Variants in FAM184B observed in about 807,000 individuals in gnomAD.
FAM184B encodes the protein family with sequence similarity 184 member B.
FAM184B carries 111 observed loss-of-function variants against 135.9 expected under a neutral mutation model. That is an observed-to-expected ratio of 0.82 (90% CI 0.70 to 0.96). The LOEUF (loss-of-function observed/expected upper bound fraction) is 0.96. FAM184B is among the 40% of genes least tolerant of loss of function. The pLI is 0.00. For synonymous variants in FAM184B, 552 were observed against 524.8 expected, an observed-to-expected ratio of 1.05 and a Z score of -0.71; for missense variants, 1,375 against 1,323.9, an observed-to-expected ratio of 1.04 and a Z score of -0.60.
At chr4:17,675,376 ACTGGG>A (rs1716289914) in intron 7 of FAM184B, among the ~76,000 whole-genome samples, 1 of 152,154 alleles carries the variant, frequency 6.6e-6, no homozygotes, top group Non-Finnish European at 1.5e-5. Flanking sequence ...AAGTCTCAAC[ACTGGG>A]CTTGAAAAAA....
chr4:17,744,726 AAAAAAAG>A (rs952313725), intron 1 of FAM184B, among the ~76,000 whole-genome samples: 21 of 152,070 alleles, frequency 1.4e-4, no homozygotes, highest in Middle Eastern at 6.8e-3. Flanking sequence ...TCTCAAAAAA[AAAAAAAG>A]AAAAAAGAAA....
intron 14 of FAM184B, among the ~76,000 whole-genome samples, chr4:17,637,263 G>GT (rs1715170529): frequency 6.6e-6 from 1 of 152,164 alleles, no homozygotes; most frequent in Non-Finnish European, 1.5e-5. Context: ...TCCTGACCTC[G>GT]TGATCCGCCC....
At position 17,705,842 on chromosome 4, in the gene FAM184B, C is replaced by G. The variant is rs373266922; in HGVS notation, c.1080G>C (p.Glu360Asp). Residue 360 changes from glutamate to aspartate, a missense_variant, in exon 4 of 18, where the codon GAG (glutamate) becomes GAC (aspartate). Coordinates refer to ENST00000265018, the MANE Select transcript of FAM184B (RefSeq NM_015688.2). Reference sequence around the variant, plus strand: ...GAAGATTGCCGGCTTCCAAGTCATTCTCTTCCCGCAGGACTTTGTTCTCTG... The same window carrying G: ...GAAGATTGCCGGCTTCCAAGTCATTGTCTTCCCGCAGGACTTTGTTCTCTG... ...LVSENKVLRE[E>D]NDLEAGNLHP... 2 of 1,552,242 alleles carry G rather than the reference C, an allele frequency of 1.3e-6. No homozygotes were observed. The highest frequency in any genetic ancestry group is 1.4e-5 in the African/African-American group (1 of 73,190).
At chr4:17,734,316 C>A (rs1427117754) in intron 1 of FAM184B, among the ~76,000 whole-genome samples, 2 of 152,168 alleles carry the variant, frequency 1.3e-5, no homozygotes, top group East Asian at 3.9e-4. Context: ...GCAACAAAAG[C>A]CAAAATTGAC....
At chr4:17,658,733 T>C (rs766798746) in intron 9 of FAM184B, among the ~76,000 whole-genome samples, 171 bp from the exon 10 acceptor site, 4 of 152,218 alleles carry the variant, frequency 2.6e-5, no homozygotes, top group Non-Finnish European at 4.4e-5. Flanking sequence ...TGGCCAGTCC[T>C]TCCAGCTAGG....
intron 7 of FAM184B, among the ~76,000 whole-genome samples, chr4:17,674,273 T>C (rs982760450): frequency 2.6e-5 from 4 of 152,160 alleles, no homozygotes; most frequent in African/African-American, 4.8e-5. Context: ...AATATTGTGA[T>C]AAAGCAAAGA....
At chr4:17,765,319 A>C (rs1295342856) in intron 1 of FAM184B, among the ~76,000 whole-genome samples, 1 of 152,136 alleles carries the variant, frequency 6.6e-6, no homozygotes, top group Non-Finnish European at 1.5e-5. Flanking sequence ...ACCTGTAACA[A>C]AGGTGAATTC....
intron 5 of FAM184B, among the ~76,000 whole-genome samples, chr4:17,694,237 A>G (rs1716802758): frequency 6.6e-6 from 1 of 151,360 alleles, no homozygotes; most frequent in Non-Finnish European, 1.5e-5. Context: ...TAATTCTCAT[A>G]GAGGGGCCAG....
chr4:17,748,074 A>G (rs1336137496), intron 1 of FAM184B, among the ~76,000 whole-genome samples: 1 of 138,760 alleles, frequency 7.2e-6, no homozygotes, highest in Non-Finnish European at 1.5e-5. Flanking sequence ...ACTCCACTCC[A>G]GCCTGGATGA....
At chr4:17,728,031 A>G (rs1208680213) in intron 1 of FAM184B, among the ~76,000 whole-genome samples, 2 of 152,114 alleles carry the variant, frequency 1.3e-5, no homozygotes, top group Non-Finnish European at 2.9e-5. Flanking sequence ...TAATCCCAGC[A>G]CTTTCAAAGG....
chr4:17,653,102 G>A (rs1715672723), intron 10 of FAM184B, 119 bp from the exon 11 acceptor site: 17 of 949,382 alleles, frequency 1.8e-5, no homozygotes, highest in Non-Finnish European at 2.7e-5. Flanking sequence ...TCCCATGGAG[G>A]GCTTATCAGG....
At chr4:17,647,252 CTTTTT>C (rs3066609) in intron 12 of FAM184B, among the ~76,000 whole-genome samples, 22 of 128,932 alleles carry the variant, frequency 1.7e-4, no homozygotes, top group East Asian at 4.7e-4. Context: ...GAGCCCATCC[CTTTTT>C]TTTTTTTTTT....
intron 1 of FAM184B, among the ~76,000 whole-genome samples, chr4:17,761,295 AC>A (rs981498472): frequency 2.6e-4 from 39 of 152,294 alleles, no homozygotes; most frequent in African/African-American, 9.4e-4. Context: ...CCATATGAGG[AC>A]AAGGCCATAA....
Position 17,632,478 on chromosome 4 carries a change from G to T in FAM184B, c.*54C>A. 1 of 1,368,208 alleles carries T rather than the reference G, an allele frequency of 7.3e-7. No individual in the cohort carries two copies. The highest frequency in any genetic ancestry group is 1.3e-5 in the South Asian group (1 of 77,914). 84.8% of individuals were successfully genotyped at this position (1,368,208 alleles called of 1,614,324 possible). A position where few individuals can be genotyped will look rare whatever the true frequency, so the allele number is the denominator to read the frequency against. ...TGTTAGTTCATTCCTTCAATCGGATGATTTAAAATAAATGTTTTTCAAGTA... is the reference window on the plus strand; with the variant it reads ...TGTTAGTTCATTCCTTCAATCGGATTATTTAAAATAAATGTTTTTCAAGTA... On this transcript the variant is annotated 3_prime_UTR_variant, in exon 18 of 18. Transcript: ENST00000265018.
chr4:17,675,184 T>G (rs1012930668), intron 7 of FAM184B, among the ~76,000 whole-genome samples: 2 of 152,200 alleles, frequency 1.3e-5, no homozygotes, highest in African/African-American at 4.8e-5. Flanking sequence ...GAAATCTACT[T>G]CCTAAATAAT....
chr4:17,748,002 G>A (rs539097325), intron 1 of FAM184B, among the ~76,000 whole-genome samples: 3 of 145,504 alleles, frequency 2.1e-5, no homozygotes, highest in African/African-American at 7.6e-5. Context: ...GCTCCTCCAG[G>A]CTGAGGCAGG....
In FAM184B at chr4:17,632,043, ATTTTTTTTTTTTTTTTTTTTTTTTTTTT is replaced by A. The variant is rs199549580; in HGVS notation, c.*461_*488del. On this transcript the variant is annotated 3_prime_UTR_variant, in exon 18 of 18. Coordinates refer to ENST00000265018, the MANE Select transcript of FAM184B (RefSeq NM_015688.2). ...TTTTAATAACACTGGTTTAATGTCA[ATTTTTTTTTTTTTTTTTTTTTTTTTTTT>A]TTTTTTTTTTTTTTTTGGAGACAGG... 1,083 of 117,558 alleles carry A rather than the reference ATTTTTTTTTTTTTTTTTTTTTTTTTTTT, an allele frequency of 9.2e-3. 36 individuals are homozygous for A. In the East Asian group the frequency reaches 0.098, roughly 11 times the overall value. The allele number at this position is 117,558 out of a possible 1,614,324, so 7.3% of individuals were successfully genotyped here. A position where few individuals can be genotyped will look rare whatever the true frequency, so the allele number is the denominator to read the frequency against.
At chr4:17,674,808 A>C (rs1468304659) in intron 7 of FAM184B, among the ~76,000 whole-genome samples, 2 of 152,212 alleles carry the variant, frequency 1.3e-5, no homozygotes, top group African/African-American at 2.4e-5. Flanking sequence ...GATCATTTCT[A>C]AGAAGCAACT....
intron 1 of FAM184B, among the ~76,000 whole-genome samples, chr4:17,778,675 AC>A (rs1393571982): frequency 6.6e-6 from 1 of 152,052 alleles, no homozygotes; most frequent in Non-Finnish European, 1.5e-5. Flanking sequence ...ACATGGTGAG[AC>A]TCTATTTCTA....
Sources: gnomAD v4.1 joint callset for allele counts (sites outside exome capture counted in the v4.1 genomes callset) on GRCh38, gnomAD v4.1.1 for gene constraint, MANE v1.5 for transcripts, NCBI Gene and HGNC (gene_info 2026-07-23, HGNC 2026-07-21) for gene names.